The following MAP2 variants were observed in gnomAD, a reference collection of about 807,000 sequenced individuals.
The protein encoded by MAP2 is microtubule-associated protein 2.
In MAP2, 14 loss-of-function variants were observed where a neutral mutation model predicts 137.6. The ratio of observed to expected loss-of-function variants is 0.10; its 90% confidence interval spans 0.07 to 0.16. MAP2 has a LOEUF of 0.16. MAP2 is among the 10% of genes least tolerant of loss of function. MAP2 has a pLI of 1.00. For synonymous variants in MAP2, 786 were observed against 782.3 expected, an observed-to-expected ratio of 1.00 and a Z score of -0.08; for missense variants, 2,088 against 2,191.5, an observed-to-expected ratio of 0.95 and a Z score of 0.94.
At chr2:209,701,040 G>A (rs944098239) in intron 11 of MAP2, among the ~76,000 whole-genome samples, 1 of 151,948 alleles carries the variant, frequency 6.6e-6, no homozygotes, top group Non-Finnish European at 1.5e-5. Context: ...TATTACTGTA[G>A]AGAACTTTTT....
chr2:209,573,298 G>GT (rs71043941), intron 2 of MAP2, among the ~76,000 whole-genome samples: 7,210 of 120,002 alleles, frequency 0.06, 272 homozygotes, highest in Middle Eastern at 0.12. Flanking sequence ...TTCTTTTTCT[G>GT]TTTTTTTTTT....
intron 7 of MAP2, among the ~76,000 whole-genome samples, chr2:209,689,950 A>G (rs989481664): frequency 6.6e-6 from 1 of 152,194 alleles, no homozygotes; most frequent in Non-Finnish European, 1.5e-5. Context: ...AGCTAACATA[A>G]CTTGACTTAG....
At chr2:209,659,259 T>C (rs555235771) in intron 5 of MAP2, among the ~76,000 whole-genome samples, 1 of 152,348 alleles carries the variant, frequency 6.6e-6, no homozygotes, top group East Asian at 1.9e-4. Context: ...GTGTATTTTT[T>C]TTTCTTGCTC....
At chr2:209,561,601 A>G (rs191589760) in intron 2 of MAP2, among the ~76,000 whole-genome samples, 1 of 152,234 alleles carries the variant, frequency 6.6e-6, no homozygotes, top group African/African-American at 2.4e-5. Flanking sequence ...AGTGTAGGCA[A>G]ATTATAAGCA....
chr2:209,496,810 G>A (rs2059802270), intron 1 of MAP2, among the ~76,000 whole-genome samples: 1 of 151,628 alleles, frequency 6.6e-6, no homozygotes. Flanking sequence ...TTCTTTTTTT[G>A]TGTGTGTGAG....
At chr2:209,670,267 A>C (rs1280861725) in intron 5 of MAP2, among the ~76,000 whole-genome samples, 1 of 151,998 alleles carries the variant, frequency 6.6e-6, no homozygotes, top group Non-Finnish European at 1.5e-5. Context: ...TAAACATGCA[A>C]TACATTACTC....
At chr2:209,698,894 A>G (rs2060991133) in intron 10 of MAP2, among the ~76,000 whole-genome samples, 1 of 152,210 alleles carries the variant, frequency 6.6e-6, no homozygotes, top group Non-Finnish European at 1.5e-5. Flanking sequence ...AGGATGAAAG[A>G]TGTCATCAGG....
At chr2:209,639,254 A>G (rs1030304179) in intron 4 of MAP2, among the ~76,000 whole-genome samples, 1 of 152,164 alleles carries the variant, frequency 6.6e-6, no homozygotes, top group Non-Finnish European at 1.5e-5. Context: ...TAATAATGTC[A>G]ATACCCATCA....
At chr2:209,705,432 A>G (rs2153746199) in intron 11 of MAP2, 148 bp from the exon 12 acceptor site, 2 of 540,552 alleles carry the variant, frequency 3.7e-6, no homozygotes, top group East Asian at 3.3e-5. Context: ...GTTATAAAGT[A>G]GAAATGTTTA....
intron 4 of MAP2, among the ~76,000 whole-genome samples, chr2:209,638,917 A>G (rs370636833): frequency 4.1e-4 from 62 of 152,322 alleles, no homozygotes; most frequent in African/African-American, 1.4e-3. Context: ...AGAAACCAAC[A>G]TAAATTAATC....
At chr2:209,476,617 G>A (rs1261836309) in intron 1 of MAP2, among the ~76,000 whole-genome samples, 2 of 152,062 alleles carry the variant, frequency 1.3e-5, no homozygotes, top group African/African-American at 4.8e-5. Flanking sequence ...AACATTAGAG[G>A]TTTTATGTCT....
At chr2:209,552,883 A>G (rs1237974037) in intron 2 of MAP2, among the ~76,000 whole-genome samples, 1 of 152,128 alleles carries the variant, frequency 6.6e-6, no homozygotes, top group African/African-American at 2.4e-5. Context: ...AAAAAGAAAA[A>G]TACTTAGTTT....
At chr2:209,518,376 C>T (rs989611233) in intron 2 of MAP2, among the ~76,000 whole-genome samples, 2 of 151,934 alleles carry the variant, frequency 1.3e-5, no homozygotes, top group Non-Finnish European at 1.5e-5. Flanking sequence ...TAAAAGGGAT[C>T]TTCAGCTGGG....
chr2:209,698,927 G>A (rs973883186), intron 10 of MAP2, among the ~76,000 whole-genome samples: 5 of 152,132 alleles, frequency 3.3e-5, no homozygotes, highest in African/African-American at 4.8e-5. Flanking sequence ...TAGAGAAAAC[G>A]TAAAATGGTT....
At chr2:209,605,860 A>G (rs1292326390) in intron 3 of MAP2, among the ~76,000 whole-genome samples, 1 of 152,096 alleles carries the variant, frequency 6.6e-6, no homozygotes, top group Non-Finnish European at 1.5e-5. Context: ...TAGACTTGCA[A>G]TTTAAATTAA....
intron 2 of MAP2, among the ~76,000 whole-genome samples, chr2:209,561,994 A>G (rs1336272545): frequency 1.3e-5 from 2 of 152,282 alleles, no homozygotes; most frequent in South Asian, 2.1e-4. Context: ...AGGAAATGTC[A>G]TTTTGTTTGA....
rs778744024 is a variant in MAP2, at chr2:209,678,691, TAAG to T, written c.376+11_376+13del. ...GACTGCAGCTCTGCCTTTAGGTAAA[TAAG>T]AAGATTCTCAGGTCAGGGACTGTGT... On this transcript the variant is annotated splice_region_variant and intron_variant, in intron 6 of 15. Transcript: ENST00000682079. 8 of 1,559,624 alleles carry T rather than the reference TAAG, an allele frequency of 5.1e-6. No individual in the cohort carries two copies. The East Asian group carries it at 9.1e-5, about 18-fold the overall frequency.
intron 2 of MAP2, among the ~76,000 whole-genome samples, chr2:209,535,724 A>G (rs1407380410): frequency 1.3e-5 from 2 of 152,136 alleles, no homozygotes; most frequent in Non-Finnish European, 2.9e-5. Context: ...GTAATAAATA[A>G]TACTATGTTG....
At chr2:209,452,385 C>A (rs1303896158) in intron 1 of MAP2, among the ~76,000 whole-genome samples, 1 of 152,172 alleles carries the variant, frequency 6.6e-6, no homozygotes, top group Non-Finnish European at 1.5e-5. Context: ...CTGTCAGGAA[C>A]TCTCCTCTTT....
Sources: allele counts gnomAD v4.1 joint callset (sites outside exome capture counted in the v4.1 genomes callset), GRCh38; gene constraint gnomAD v4.1.1; transcripts MANE v1.5; gene names NCBI Gene and HGNC (gene_info 2026-07-23, HGNC 2026-07-21).